The following AACS variants were observed in gnomAD, a reference collection of about 807,000 sequenced individuals.
AACS encodes acetoacetate-CoA ligase.
In AACS, 69 loss-of-function variants were observed where a neutral mutation model predicts 83.1. The observed-to-expected ratio is 0.83, with a 90% confidence interval of 0.68 to 1.01. The LOEUF is 1.01. Among genes scored for constraint, AACS ranks in the 50% least tolerant of loss-of-function variants. The pLI is 0.00. For missense variants in AACS, 866 were observed against 882.2 expected, an observed-to-expected ratio of 0.98 and a Z score of 0.23; for synonymous variants, 333 against 343.4, an observed-to-expected ratio of 0.97 and a Z score of 0.33.
At position 125,118,716 on chromosome 12, in the gene AACS, C is replaced by A; in HGVS notation, c.1072C>A (p.Pro358Thr). ...GAAMVLYDGS[P>T]LVPTPNVLWD... ...GGCCATGGTCTTGTACGATGGCTCC[C>A]CCCTGGTGCCCACGCCCAATGTGCT... Residue 358 changes from proline to threonine, a missense_variant, in exon 10 of 18, where the codon CCC becomes ACC. By Grantham distance (38) the Pro-to-Thr change is conservative. Coordinates refer to ENST00000316519, the MANE Select transcript of AACS (RefSeq NM_023928.5). 6.2e-7 allele frequency: 1 copy of A among 1,614,118 alleles called. No homozygotes were observed. Among genetic ancestry groups the A allele is most frequent in the Admixed American group, 1.7e-5 (1 of 60,014 alleles).
chr12:125,134,784 C>CTCT lies in AACS; in HGVS notation c.1620-8_1620-6dup. On this transcript the variant is annotated splice_polypyrimidine_tract_variant and intron_variant, in intron 15 of 17. Transcript: ENST00000316519. The stretch of plus-strand genomic sequence containing the variant: ...CTGCGGTGTGGCCCTGACCTCTTCT[C>CTCT]TCTTTCCAGTGACGGCACCCTCAAC... The CTCT allele has an allele frequency of 6.2e-7, 1 of 1,614,198 alleles. No homozygotes were observed. Among genetic ancestry groups the CTCT allele is most frequent in the Non-Finnish European group, 8.5e-7 (1 of 1,180,028 alleles).
chr12:125,078,331 A>G, intron 3 of AACS: 1 of 456,068 alleles, frequency 2.2e-6, no homozygotes, highest in Non-Finnish European at 4.4e-6. Context: ...TTCCTGGTGA[A>G]GAGCCATGGA....
rs79308684 is a variant in AACS at position 125,070,931 on chromosome 12, T to G, written c.134-2945T>G. ...AATCCTCACTGTGTGGTGTGGACAA[T>G]GCATTTGTTACCTATTGCTGGTGAC... On this transcript the variant is annotated intron_variant, in intron 1 of 17. Coordinates refer to ENST00000316519, the MANE Select transcript of AACS (RefSeq NM_023928.5). Among the ~76,000 whole-genome samples, 303 of 152,326 alleles carry G rather than the reference T, an allele frequency of 2.0e-3. 3 individuals are homozygous for G. Among genetic ancestry groups the G allele is most frequent in the African/African-American group, 6.9e-3 (287 of 41,572 alleles).
In AACS at chr12:125,097,364, C is replaced by T. The variant is rs1250734634; in HGVS notation, c.571-5315C>T. Among the ~76,000 whole-genome samples, 1 of 151,506 alleles carries T rather than the reference C, an allele frequency of 6.6e-6. No individual in the cohort carries two copies. The highest frequency in any genetic ancestry group is 1.5e-5 in the Non-Finnish European group (1 of 67,970). On this transcript the variant is annotated intron_variant, in intron 5 of 17. Coordinates refer to ENST00000316519, the MANE Select transcript of AACS (RefSeq NM_023928.5). The surrounding 1 kb of genome is among the most constrained non-coding windows in gnomAD (Gnocchi z 4.3). ...GGCCTGATGTCCTGAGGCCAGGGGC[C>T]AAGTCCCTGTTACCTGTATGTCCCA... is the stretch of plus-strand genomic sequence containing the variant.
rs534135431 is a variant in AACS at position 125,115,043 on chromosome 12, C to T, written c.996+486C>T. Among the ~76,000 whole-genome samples, 234 of 152,260 alleles carry T rather than the reference C, an allele frequency of 1.5e-3. 4 individuals are homozygous for T. Among genetic ancestry groups the T allele is most frequent in the South Asian group, 7.7e-3 (37 of 4,832 alleles). On this transcript the variant is annotated intron_variant, in intron 9 of 17. Coordinates refer to ENST00000316519, the MANE Select transcript of AACS (RefSeq NM_023928.5). ...CGCACGGTGTCGAGTTGGGCCCGCTCCTCCGCCCACCCTGCCTCAGCAGCG... is the reference window on the plus strand; with the variant it reads ...CGCACGGTGTCGAGTTGGGCCCGCTTCTCCGCCCACCCTGCCTCAGCAGCG...
chr12:125,109,501 T>G (rs1295765403), intron 8 of AACS, among the ~76,000 whole-genome samples: 1 of 152,266 alleles, frequency 6.6e-6, no homozygotes, highest in Non-Finnish European at 1.5e-5. Context: ...ATTTTGCTTT[T>G]TGTTGAACCA....
intron 12 of AACS, among the ~76,000 whole-genome samples, 166 bp downstream of exon 12, chr12:125,125,190 G>A (rs1957227878): frequency 6.6e-6 from 1 of 152,216 alleles, no homozygotes; most frequent in Non-Finnish European, 1.5e-5. Flanking sequence ...CGAAGTCACT[G>A]TGAACACGGA....
chr12:125,082,942 T>C (rs1275279850), intron 3 of AACS, among the ~76,000 whole-genome samples: 1 of 152,240 alleles, frequency 6.6e-6, no homozygotes. Flanking sequence ...GTAACTTCTA[T>C]ACTGTAGAAA....
At position 125,118,632 on chromosome 12, in the gene AACS, T is replaced by C; in HGVS notation, c.997-9T>C. 6.2e-7 allele frequency: 1 copy of C among 1,613,998 alleles called. No individual in the cohort carries two copies. The highest frequency in any genetic ancestry group is 8.5e-7 in the Non-Finnish European group (1 of 1,179,954). ...GCCCGCTGAAGCCGCATCCCTCCTG[T>C]CTTTGCAGGTCGGCTGGATGATGTG... On this transcript the variant is annotated splice_polypyrimidine_tract_variant and intron_variant, in intron 9 of 17. Coordinates refer to ENST00000316519, the MANE Select transcript of AACS (RefSeq NM_023928.5).
intron 5 of AACS, among the ~76,000 whole-genome samples, chr12:125,092,946 A>G (rs1346122995): frequency 1.3e-5 from 2 of 152,230 alleles, no homozygotes; most frequent in Non-Finnish European, 2.9e-5. Context: ...AAGGCCGGGC[A>G]GGCTGGCTGC....
In AACS at chr12:125,085,402, A is replaced by T. The variant is rs544035899; in HGVS notation, c.359-928A>T. On this transcript the variant is annotated intron_variant, in intron 3 of 17. Transcript: ENST00000316519. ...GCATCCACATCTGTTTCGTGGAACC[A>T]CACACGTGCACCTTGCATCCACGTC... Among the ~76,000 whole-genome samples the T allele has an allele frequency of 3.9e-5, 6 of 152,276 alleles. 1 individual carries two copies. The East Asian group carries it at 1.2e-3, about 29-fold the overall frequency.
chr12:125,070,904 C>T (rs1252353065), intron 1 of AACS, among the ~76,000 whole-genome samples: 1 of 152,230 alleles, frequency 6.6e-6, no homozygotes, highest in Non-Finnish European at 1.5e-5. Context: ...CCAGTTCTAG[C>T]TAATCCTCAC....
chr12:125,071,984 G>A (rs1383145094), intron 1 of AACS, among the ~76,000 whole-genome samples: 3 of 151,626 alleles, frequency 2.0e-5, no homozygotes, highest in African/African-American at 4.8e-5. Context: ...CAGCCTGCCA[G>A]GTAGCTGGGA....
In AACS at chr12:125,102,630, G is replaced by T. The variant is rs768874554; in HGVS notation, c.571-49G>T. 5.6e-5 allele frequency: 88 copies of T among 1,558,544 alleles called. No individual in the cohort carries two copies. In the African/African-American group the frequency reaches 7.5e-4, roughly 13 times the overall value. On this transcript the variant is annotated intron_variant, in intron 5 of 17. Coordinates refer to ENST00000316519, the MANE Select transcript of AACS (RefSeq NM_023928.5). ...CAGGCACCCACCACCATGCCTGCTG[G>T]TTTTTGCCTTTTGGATGATCAATGA...
chr12:125,091,887 G>A (rs1956494131), intron 5 of AACS, among the ~76,000 whole-genome samples: 1 of 152,208 alleles, frequency 6.6e-6, no homozygotes, highest in Non-Finnish European at 1.5e-5. Flanking sequence ...CTAGATTTTT[G>A]TTCTCAAAGT....
At chr12:125,105,713 G>T (rs751754606) in intron 7 of AACS, 10 of 152,224 alleles carry the variant, frequency 6.6e-5, no homozygotes, top group Non-Finnish European at 1.3e-4. Flanking sequence ...GCAGAAACGG[G>T]TACGTGCCCA....
Position 125,098,934 on chromosome 12 carries a change from C to T in AACS, c.571-3745C>T, listed in dbSNP as rs561100206. On this transcript the variant is annotated intron_variant, in intron 5 of 17. Transcript: ENST00000316519. ...GGCAAACTGTTTCTAGTTCCCACCC[C>T]GGGACGTAGGTGGGGGTGTTCGGCA... Among the ~76,000 whole-genome samples, 14 of 152,214 alleles carry T rather than the reference C, an allele frequency of 9.2e-5. No homozygotes were observed. The South Asian group carries it at 1.5e-3, about 16-fold the overall frequency.
intron 1 of AACS, among the ~76,000 whole-genome samples, chr12:125,072,063 G>A (rs1294583497): frequency 6.6e-6 from 1 of 151,912 alleles, no homozygotes; most frequent in Non-Finnish European, 1.5e-5. Flanking sequence ...CACCATGTTG[G>A]TCAGGCTGGT....
intron 5 of AACS, among the ~76,000 whole-genome samples, chr12:125,093,525 G>A (rs1387324900): frequency 6.6e-6 from 1 of 152,238 alleles, no homozygotes; most frequent in Non-Finnish European, 1.5e-5. Context: ...ACATGGTCTC[G>A]GGGACACTGC....
Sources: gnomAD v4.1 joint callset for allele counts (sites outside exome capture counted in the v4.1 genomes callset) on GRCh38, gnomAD v4.1.1 for gene constraint, Gnocchi (gnomAD v3.1) non-coding constraint, MANE v1.5 for transcripts, NCBI Gene and HGNC (gene_info 2026-07-23, HGNC 2026-07-21) for gene names.